The following PRKX variants were observed in gnomAD, a reference collection of about 807,000 sequenced individuals.
PRKX encodes cAMP-dependent protein kinase catalytic subunit PRKX.
A neutral mutation model predicts 22.0 loss-of-function variants in PRKX; 12 were observed. That is an observed-to-expected ratio of 0.54 (90% confidence interval 0.35 to 0.88). PRKX has a LOEUF of 0.88. Among genes scored for constraint, PRKX ranks in the 40% least tolerant of loss-of-function variants. The pLI is 0.01. For synonymous variants in PRKX, 134 were observed against 137.7 expected (o/e 0.97, Z 0.19); for missense variants, 217 against 308.0 (o/e 0.70, Z 2.21).
intron 1 of PRKX, among the ~76,000 whole-genome samples, chrX:3,703,124 T>C (rs142678054): frequency 2.0e-3 from 217 of 111,214 alleles, no homozygotes; most frequent in African/African-American, 6.8e-3. Context: ...CTCCACCTTA[T>C]GAGAGAATGA....
intron 3 of PRKX, among the ~76,000 whole-genome samples, chrX:3,652,971 T>C (rs1927368422): frequency 9.0e-6 from 1 of 111,079 alleles, no homozygotes; most frequent in African/African-American, 3.3e-5. Flanking sequence ...GACCTTAGCC[T>C]CCATGACAGT....
intron 3 of PRKX, among the ~76,000 whole-genome samples, chrX:3,653,346 T>C (rs1188565442): frequency 1.8e-5 from 2 of 109,947 alleles, no homozygotes; most frequent in East Asian, 5.7e-4. Context: ...CGCACCTCGA[T>C]CTCGGACTTC....
At chrX:3,613,447 T>C (rs1926348568) in intron 7 of PRKX, among the ~76,000 whole-genome samples, 1 of 110,382 alleles carries the variant, frequency 9.1e-6, no homozygotes, top group Non-Finnish European at 1.9e-5. Flanking sequence ...TGTTTTAATA[T>C]TGACTTGGTT....
intron 2 of PRKX, among the ~76,000 whole-genome samples, chrX:3,670,540 A>T (rs920661417): frequency 1.8e-5 from 2 of 111,653 alleles, no homozygotes; most frequent in Non-Finnish European, 3.8e-5. Flanking sequence ...CTCCAAGTCT[A>T]CATTGTTTTT....
intron 2 of PRKX, among the ~76,000 whole-genome samples, chrX:3,662,593 G>T (rs1927619779): frequency 9.4e-6 from 1 of 105,849 alleles, no homozygotes; most frequent in African/African-American, 3.5e-5. Flanking sequence ...TACTTGGGAG[G>T]CTGAGGCAGG....
chrX:3,637,711 G>A (rs1217872343), intron 4 of PRKX, among the ~76,000 whole-genome samples: 1 of 111,571 alleles, frequency 9.0e-6, no homozygotes, highest in Non-Finnish European at 1.9e-5. Context: ...TCAGCAGACT[G>A]GGCTTTGATT....
chrX:3,697,665 C>G (rs1344014299), intron 1 of PRKX, among the ~76,000 whole-genome samples: 1 of 110,466 alleles, frequency 9.1e-6, no homozygotes, highest in Non-Finnish European at 1.9e-5. Context: ...CTGCGTCAGC[C>G]TCCTGAGTAG....
In PRKX at chrX:3,689,739, A is replaced by T. The variant is rs1028874814; in HGVS notation, c.167-14973T>A. ...ACACCTGTAATCCCAACACTTTGGG[A>T]GGCCAAGGCGGGCGGATCACAAGGT... On this transcript the variant is annotated intron_variant, in intron 1 of 8. Transcript: ENST00000262848. Among the ~76,000 whole-genome samples the T allele has an allele frequency of 8.9e-5, 10 of 112,066 alleles. No individual in the cohort carries two copies. The East Asian group carries it at 1.1e-3, about 13-fold the overall frequency.
chrX:3,659,407 G>A (rs1463549847), intron 2 of PRKX: 1 of 111,828 alleles, frequency 8.9e-6, no homozygotes, highest in Non-Finnish European at 1.9e-5. Flanking sequence ...TGCAGATTCT[G>A]CAATGATGCT....
Position 3,625,583 on chromosome X carries a change from T to C in PRKX, c.815+836A>G, listed in dbSNP as rs763616275. Among the ~76,000 whole-genome samples the C allele has an allele frequency of 1.1e-4, 12 of 111,312 alleles. No individual in the cohort carries two copies. The South Asian group carries it at 4.6e-3, about 43-fold the overall frequency. ...AGCCAGAAAACCAAAAGCATTCTTT[T>C]TTTTTTGAGACAGAATCTTGCTCTG... On this transcript the variant is annotated intron_variant, in intron 5 of 8. Transcript: ENST00000262848.
intron 3 of PRKX, among the ~76,000 whole-genome samples, chrX:3,648,923 C>T (rs1927252739): frequency 9.2e-6 from 1 of 108,654 alleles, no homozygotes. Context: ...AAAAGAAACA[C>T]AAAAAAACAC....
chrX:3,617,894 T>C (rs754680806), intron 6 of PRKX, among the ~76,000 whole-genome samples: 160 of 109,537 alleles, frequency 1.5e-3, no homozygotes, highest in Non-Finnish European at 2.6e-3. Flanking sequence ...TAATACTTGG[T>C]AATGATAATA....
At chrX:3,613,231 A>G (rs960148376) in intron 7 of PRKX, among the ~76,000 whole-genome samples, 2 of 107,078 alleles carry the variant, frequency 1.9e-5, no homozygotes, top group African/African-American at 3.3e-5. Context: ...CAGATTATAT[A>G]GTCAAGTGCA....
intron 1 of PRKX, among the ~76,000 whole-genome samples, chrX:3,687,961 A>G (rs765770858): frequency 9.7e-4 from 109 of 112,003 alleles, no homozygotes; most frequent in Non-Finnish European, 1.4e-3. Context: ...GGAAAACCCC[A>G]TCTCTACTAA....
At chrX:3,692,638 C>T (rs982531800) in intron 1 of PRKX, among the ~76,000 whole-genome samples, 1 of 109,228 alleles carries the variant, frequency 9.2e-6, no homozygotes, top group Non-Finnish European at 1.9e-5. Flanking sequence ...CGCCATTCTC[C>T]TGCCTCAGCC....
intron 3 of PRKX, among the ~76,000 whole-genome samples, chrX:3,643,568 G>T (rs760134416): frequency 9.0e-6 from 1 of 110,709 alleles, no homozygotes; most frequent in East Asian, 2.9e-4. Context: ...CACAAATGCG[G>T]GCCACATCCA....
intron 2 of PRKX, 150 bp from the exon 3 acceptor site, chrX:3,655,562 A>G (rs1464159891): frequency 1.6e-6 from 1 of 627,734 alleles, no homozygotes; most frequent in Non-Finnish European, 2.4e-6. Context: ...CGGGACATGG[A>G]GCACACAGAT....
At chrX:3,701,062 T>C (rs1304445602) in intron 1 of PRKX, among the ~76,000 whole-genome samples, 5 of 111,136 alleles carry the variant, frequency 4.5e-5, no homozygotes, top group African/African-American at 1.3e-4. Context: ...ATATAAATTA[T>C]TTTTTTCTTC....
intron 7 of PRKX, among the ~76,000 whole-genome samples, chrX:3,615,434 T>C (rs1926399849): frequency 1.8e-5 from 2 of 111,981 alleles, no homozygotes; most frequent in African/African-American, 6.5e-5. Flanking sequence ...CTTGCTTATC[T>C]CTGTAATCCT....
Sources: allele counts gnomAD v4.1 joint callset (sites outside exome capture counted in the v4.1 genomes callset), GRCh38; gene constraint gnomAD v4.1.1; transcripts MANE v1.5; gene names NCBI Gene and HGNC (gene_info 2026-07-23, HGNC 2026-07-21).